DLGAP1: variants seen among roughly 807,000 people sequenced by gnomAD.
DLGAP1 encodes disks large-associated protein 1.
In DLGAP1, 11 loss-of-function variants were observed where a neutral mutation model predicts 90.8. The ratio of observed to expected loss-of-function variants is 0.12; its 90% confidence interval spans 0.08 to 0.20. The LOEUF is 0.20. DLGAP1 is among the 10% of genes least tolerant of loss of function. The pLI, the probability that DLGAP1 is intolerant of heterozygous loss-of-function variation, is 1.00. For synonymous variants in DLGAP1, 558 were observed against 540.7 expected (o/e 1.03, Z -0.44); for missense variants, 1,050 against 1,333.8 (o/e 0.79, Z 3.31).
At chr18:4,061,488 A>G (rs534570409) in intron 2 of DLGAP1, among the ~76,000 whole-genome samples, 3 of 152,156 alleles carry the variant, frequency 2.0e-5, no homozygotes, top group Non-Finnish European at 4.4e-5. Context: ...TTTTGAGATC[A>G]CTGTTCTGCT....
At chr18:4,033,292 G>A (rs978266859) in intron 2 of DLGAP1, among the ~76,000 whole-genome samples, 1 of 151,696 alleles carries the variant, frequency 6.6e-6, no homozygotes, top group African/African-American at 2.4e-5. Flanking sequence ...AAAGCTTGGG[G>A]TCTGTTTGGC....
chr18:3,797,329 A>AG (rs2066047363), intron 5 of DLGAP1, among the ~76,000 whole-genome samples: 1 of 151,810 alleles, frequency 6.6e-6, no homozygotes, highest in African/African-American at 2.4e-5. Context: ...TCTCAGGAAA[A>AG]AAAAAAAAAA....
At position 4,112,370 on chromosome 18, in the gene DLGAP1, T is replaced by C. The variant is rs111874933; in HGVS notation, c.-159+38810A>G. Among the ~76,000 whole-genome samples the C allele has an allele frequency of 1.1e-3, 169 of 152,308 alleles. 1 individual carries two copies. The highest frequency in any genetic ancestry group is 3.9e-3 in the African/African-American group (164 of 41,580). ...TCTACCTTGGAAAATGTTTCATGTG[T>C]ACTTCAGAAGAATATTCTGTTGCTG... On this transcript the variant is annotated intron_variant, in intron 2 of 12. Transcript: ENST00000315677.
intron 3 of DLGAP1, among the ~76,000 whole-genome samples, chr18:3,989,987 G>A (rs1212066745): frequency 6.6e-6 from 1 of 152,030 alleles, no homozygotes; most frequent in Non-Finnish European, 1.5e-5. Context: ...GAAACAACAG[G>A]TGCTGGAGAG....
intron 9 of DLGAP1, among the ~76,000 whole-genome samples, chr18:3,548,363 T>A (rs2053180900): frequency 6.6e-6 from 1 of 151,898 alleles, no homozygotes; most frequent in African/African-American, 2.4e-5. Context: ...CAAAGAAGCA[T>A]TTGACAAAAT....
At position 3,746,686 on chromosome 18, in the gene DLGAP1, C is replaced by T. The variant is rs928756362; in HGVS notation, c.1173-4174G>A. Among the ~76,000 whole-genome samples, 14 of 152,094 alleles carry T rather than the reference C, an allele frequency of 9.2e-5. No individual in the cohort carries two copies. The East Asian group carries it at 1.2e-3, about 13-fold the overall frequency. The stretch of plus-strand genomic sequence containing the variant: ...ATAAGAAAATAAATATATAAATTCA[C>T]AGGAAAGTAACTTTATATATCACCA... On this transcript the variant is annotated intron_variant, in intron 5 of 12. Transcript: ENST00000315677.
intron 5 of DLGAP1, among the ~76,000 whole-genome samples, chr18:3,754,715 C>T (rs960988182): frequency 2.9e-5 from 3 of 103,020 alleles, no homozygotes; most frequent in African/African-American, 1.2e-4. Flanking sequence ...CCCGTCTCTA[C>T]TAAAATACAA....
chr18:3,972,035 G>T (rs987078056), intron 3 of DLGAP1, among the ~76,000 whole-genome samples: 1 of 152,126 alleles, frequency 6.6e-6, no homozygotes, highest in South Asian at 2.1e-4. Flanking sequence ...TCATTTAACG[G>T]TGTCCAACTA....
chr18:4,384,003 T>C (rs534782462), intron 1 of DLGAP1, among the ~76,000 whole-genome samples: 3 of 152,296 alleles, frequency 2.0e-5, no homozygotes, highest in Non-Finnish European at 2.9e-5. Context: ...ACTATGGTAA[T>C]GTCATAAAAT....
chr18:4,415,594 G>T (rs2082882217), intron 1 of DLGAP1, among the ~76,000 whole-genome samples: 1 of 152,008 alleles, frequency 6.6e-6, no homozygotes, highest in African/African-American at 2.4e-5. Flanking sequence ...ACTATAATTG[G>T]TTCACTTATT....
chr18:4,216,705 C>T (rs1047744487), intron 1 of DLGAP1, among the ~76,000 whole-genome samples: 1 of 152,096 alleles, frequency 6.6e-6, no homozygotes, highest in Non-Finnish European at 1.5e-5. Context: ...GAGATTATGA[C>T]TGAACTTTTA....
At position 3,846,922 on chromosome 18, in the gene DLGAP1, C is replaced by T. The variant is rs959926646; in HGVS notation, c.957+32190G>A. ...CACATTAAACCCATTAAATTGTCTA[C>T]TTTAAATGGGTAAATAATATCACAA... On this transcript the variant is annotated intron_variant, in intron 4 of 12. Transcript: ENST00000315677. 6.9e-4 allele frequency among the ~76,000 whole-genome samples: 105 copies of T among 152,130 alleles called. 1 individual carries two copies. The highest frequency in any genetic ancestry group is 2.4e-3 in the African/African-American group (101 of 41,418).
intron 1 of DLGAP1, among the ~76,000 whole-genome samples, chr18:4,299,085 C>CAAAA (rs35327176): frequency 9.2e-5 from 7 of 76,316 alleles, no homozygotes; most frequent in African/African-American, 1.3e-4. Flanking sequence ...TGTCTCAAGA[C>CAAAA]AAAAAAAAAA....
chr18:4,165,547 G>C (rs936046282), intron 1 of DLGAP1, among the ~76,000 whole-genome samples: 1 of 152,134 alleles, frequency 6.6e-6, no homozygotes, highest in South Asian at 2.1e-4. Flanking sequence ...ACAAGTAAAA[G>C]AGCAGAAATA....
chr18:4,358,905 T>C (rs1310490090), intron 1 of DLGAP1, among the ~76,000 whole-genome samples: 1 of 152,242 alleles, frequency 6.6e-6, no homozygotes, highest in Non-Finnish European at 1.5e-5. Context: ...CCAAGAGCTC[T>C]GTTAGTAATA....
chr18:3,740,999 T>TCAC (rs1292391199), intron 6 of DLGAP1, among the ~76,000 whole-genome samples: 2 of 21,556 alleles, frequency 9.3e-5, no homozygotes, highest in Admixed American at 5.0e-4. Context: ...CACCATCACC[T>TCAC]CACCACCACC....
At chr18:3,749,151 T>C (rs945590001) in intron 5 of DLGAP1, among the ~76,000 whole-genome samples, 198 of 139,650 alleles carry the variant, frequency 1.4e-3, no homozygotes, top group Middle Eastern at 0.01. Context: ...TCTTCTTCTT[T>C]TTTTTTTTTT....
intron 3 of DLGAP1, among the ~76,000 whole-genome samples, chr18:3,964,027 G>A (rs963795941): frequency 2.6e-5 from 4 of 151,868 alleles, no homozygotes; most frequent in Admixed American, 1.3e-4. Context: ...AATCGTATAC[G>A]TGGCTTGGGT....
At chr18:4,188,577 G>C (rs2077340053) in intron 1 of DLGAP1, among the ~76,000 whole-genome samples, 1 of 152,054 alleles carries the variant, frequency 6.6e-6, no homozygotes, top group Non-Finnish European at 1.5e-5. Flanking sequence ...TTGGTTTTCT[G>C]TTCCTGTGTT....
Sources: allele counts gnomAD v4.1 joint callset (sites outside exome capture counted in the v4.1 genomes callset), GRCh38; gene constraint gnomAD v4.1.1; transcripts MANE v1.5; gene names NCBI Gene and HGNC (gene_info 2026-07-23, HGNC 2026-07-21).